ALOX12: variants seen among roughly 807,000 people sequenced by gnomAD.
The protein encoded by ALOX12 is polyunsaturated fatty acid lipoxygenase ALOX12.
A neutral mutation model predicts 85.5 loss-of-function variants in ALOX12; 62 were observed. The observed-to-expected ratio is 0.73, with a 90% confidence interval of 0.59 to 0.90. The LOEUF is 0.90. Among genes scored for constraint, ALOX12 ranks in the 40% least tolerant of loss-of-function variants. ALOX12 has a pLI of 0.00. For missense variants in ALOX12, 751 were observed against 856.5 expected (o/e 0.88, Z 1.54); for synonymous variants, 299 against 332.7 (o/e 0.90, Z 1.10).
At chr17:7,005,420 A>G in intron 9 of ALOX12, 77 bp downstream of exon 9, 1 of 1,124,654 alleles carries the variant, frequency 8.9e-7, no homozygotes, top group Non-Finnish European at 1.3e-6. Flanking sequence ...AAGATCAACT[A>G]TGTGTGAATG....
intron 4 of ALOX12, 35 bp downstream of exon 4, chr17:6,998,872 G>A (rs764950683): frequency 6.2e-7 from 1 of 1,613,992 alleles, no homozygotes; most frequent in Non-Finnish European, 8.5e-7. Flanking sequence ...GTGAAATAAG[G>A]GCTGGGAGGG....
chr17:6,999,260 T>C (rs1162848753), intron 5 of ALOX12, 46 bp from the exon 6 acceptor site: 2 of 1,612,082 alleles, frequency 1.2e-6, no homozygotes, highest in Non-Finnish European at 8.5e-7. Flanking sequence ...GGAGAAGGGA[T>C]ATGCAGGCTG....
chr17:7,006,676 C>T (rs1909101187), intron 11 of ALOX12, 69 bp downstream of exon 11: 3 of 1,507,998 alleles, frequency 2.0e-6, no homozygotes, highest in African/African-American at 2.8e-5. Flanking sequence ...CAGCCCTGCC[C>T]TTCTGGGGAC....
chr17:7,010,373 C>T lies in ALOX12; in HGVS notation c.1942C>T (p.Pro648Ser). The change falls in exon 14 of 14, where the codon CCC becomes TCC. Residue 648 changes from proline to serine, a missense_variant. By Grantham distance (74) the Pro-to-Ser change is moderately conservative. Coordinates refer to ENST00000251535, the MANE Select transcript of ALOX12 (RefSeq NM_000697.3). ...AGCCCGGAATGAGCAACTTGACTGGCCCTATGAATATCTGAAGCCCAGCTG... is the reference window on the plus strand; with the variant it reads ...AGCCCGGAATGAGCAACTTGACTGGTCCTATGAATATCTGAAGCCCAGCTG... ...ITARNEQLDW[P>S]YEYLKPSCIE... 3 of 1,614,218 alleles carry T rather than the reference C, an allele frequency of 1.9e-6. No homozygotes were observed. The highest frequency in any genetic ancestry group is 2.5e-6 in the Non-Finnish European group (3 of 1,180,040).
chr17:7,004,163 T>C (rs1430362845), intron 8 of ALOX12, among the ~76,000 whole-genome samples: 1 of 145,224 alleles, frequency 6.9e-6, no homozygotes, highest in African/African-American at 2.5e-5. Flanking sequence ...AATTTAAATT[T>C]AAAATTTAAA....
Position 7,001,736 on chromosome 17 carries a change from G to C in ALOX12, c.1086G>C (p.Leu362=), listed in dbSNP as rs1490459891. ...FQLHEIQYHL[L]NTHLVAEVIA... is the part of the protein sequence containing the mutation. ...TGCACGAGATCCAGTATCACTTGCT[G>C]AACACTCACCTGGTGGCTGAGGTCA... Residue 362 remains leucine (L), a synonymous_variant, in exon 8 of 14, where the codon CTG becomes CTC. Transcript: ENST00000251535. 1 of 1,614,060 alleles carries C rather than the reference G, an allele frequency of 6.2e-7. No individual in the cohort carries two copies. The highest frequency in any genetic ancestry group is 1.7e-5 in the Admixed American group (1 of 60,000).
intron 11 of ALOX12, among the ~76,000 whole-genome samples, chr17:7,007,099 G>A (rs986703757): frequency 3.9e-5 from 6 of 152,146 alleles, no homozygotes; most frequent in African/African-American, 1.4e-4. Context: ...TACAGTGCAA[G>A]GTCAGCTCTT....
intron 11 of ALOX12, among the ~76,000 whole-genome samples, chr17:7,007,771 C>T (rs549599739): frequency 3.3e-5 from 5 of 152,222 alleles, no homozygotes; most frequent in Admixed American, 3.3e-4. Flanking sequence ...ATCCCAGCTA[C>T]TCGGGAGGCT....
chr17:6,996,678 A>G, intron 1 of ALOX12, 148 bp from the exon 2 acceptor site: 1 of 1,023,954 alleles, frequency 9.8e-7, no homozygotes, highest in Non-Finnish European at 1.4e-6. Flanking sequence ...CTGAGACCCA[A>G]AGAGCAGGTT....
rs768927580 is a variant in ALOX12 at position 7,006,620 on chromosome 17, C to T, written c.1540+13C>T. Reference sequence around the variant, plus strand: ...GCCCAGGACCGAGGTAAGATCCATTCTAGAGACAGAAGAAGCTCCTGGGAG... The same window carrying T: ...GCCCAGGACCGAGGTAAGATCCATTTTAGAGACAGAAGAAGCTCCTGGGAG... On this transcript the variant is annotated intron_variant, in intron 11 of 13. Coordinates refer to ENST00000251535, the MANE Select transcript of ALOX12 (RefSeq NM_000697.3). 1 of 1,568,564 alleles carries T rather than the reference C, an allele frequency of 6.4e-7. No homozygotes were observed. The highest frequency in any genetic ancestry group is 8.7e-7 in the Non-Finnish European group (1 of 1,155,670).
chr17:7,009,130 G>A (rs1006980613), intron 11 of ALOX12, among the ~76,000 whole-genome samples: 3 of 148,994 alleles, frequency 2.0e-5, no homozygotes, highest in Non-Finnish European at 4.4e-5. Context: ...CGGGATCTCA[G>A]CTCGCTGCAA....
rs771002512 is a variant in ALOX12, at chr17:7,009,973, G to A, written c.1659G>A (p.Trp553Ter). ...TCCTCCAGCTGGACTGGTATGCCTG[G>A]GTCCCTAATGCTCCATGCACAATGC... Reference protein sequence around the residue: ...INQGQLDWYAWVPNAPCTMRM... With the variant: ...INQGQLDWYA Residue 553 changes from tryptophan (W) to a stop codon, truncating the protein, a stop_gained, in exon 13 of 14, where the codon TGG becomes TGA. Coordinates refer to ENST00000251535, the MANE Select transcript of ALOX12 (RefSeq NM_000697.3). LOFTEE classifies it high-confidence loss of function. 1.9e-6 allele frequency: 3 copies of A among 1,613,962 alleles called. No individual in the cohort carries two copies. Among genetic ancestry groups the A allele is most frequent in the Non-Finnish European group, 2.5e-6 (3 of 1,179,912 alleles).
chr17:7,003,922 C>T lies in ALOX12; in HGVS notation c.1162-1335C>T, dbSNP rs1164406058. 1.3e-5 allele frequency among the ~76,000 whole-genome samples: 2 copies of T among 151,970 alleles called. 1 individual carries two copies. The highest frequency in any genetic ancestry group is 2.9e-5 in the Non-Finnish European group (2 of 68,006). On this transcript the variant is annotated intron_variant, in intron 8 of 13. Coordinates refer to ENST00000251535, the MANE Select transcript of ALOX12 (RefSeq NM_000697.3). ...TTGCCAGTGTCCAGCATCAACAATT[C>T]AGACAAGCACCAAAACTGCTTGAAA...
In ALOX12 at chr17:7,008,656, G is replaced by C. The variant is rs537220709; in HGVS notation, c.1541-1091G>C. ...AGCTACTTGGGAGGCTGAGGCAGGA[G>C]AATCACTTGAACCTGAGAGGCGGAG... On this transcript the variant is annotated intron_variant, in intron 11 of 13. Transcript: ENST00000251535. Among the ~76,000 whole-genome samples, 41 of 151,848 alleles carry C rather than the reference G, an allele frequency of 2.7e-4. No individual in the cohort carries two copies. The South Asian group carries it at 8.1e-3, about 30-fold the overall frequency.
At position 7,000,802 on chromosome 17, in the gene ALOX12, G is replaced by C. The variant is rs1250511529; in HGVS notation, c.951+323G>C. Among the ~76,000 whole-genome samples the C allele has an allele frequency of 6.6e-6, 1 of 152,046 alleles. No individual in the cohort carries two copies. Among genetic ancestry groups the C allele is most frequent in the Non-Finnish European group, 1.5e-5 (1 of 68,022 alleles). On this transcript the variant is annotated intron_variant, in intron 7 of 13. Transcript: ENST00000251535. This position sits in a 1 kb window ranked among gnomAD's most constrained non-coding sequence, Gnocchi z 4.6. ...AGACTTTCTGATTCAGTATGTCTGG[G>C]GTGGGAACTAAGAGTTTGCGTTTTT...
Position 7,001,637 on chromosome 17 carries a change from AC to A in ALOX12, c.988del (p.Leu330CysfsTer33), listed in dbSNP as rs1196973450. On this transcript the variant is annotated frameshift_variant, in exon 8 of 14. Transcript: ENST00000251535. LOFTEE classifies it high-confidence loss of function. ...CCAACCCCAGCTCTCCAACCCCAAC[AC>A]TGTTCCTGCCCTCAGACCCCCCACT... ...PPNPSSPTPTLFLPSDPPLAW... is the reference protein window; with the variant it reads ...PPNPSSPTPTXFLPSDPPLAW... 1 of 1,613,872 alleles carries A rather than the reference AC, an allele frequency of 6.2e-7. No individual in the cohort carries two copies. Among genetic ancestry groups the A allele is most frequent in the Non-Finnish European group, 8.5e-7 (1 of 1,179,952 alleles).
chr17:7,010,709 T>C lies in ALOX12; in HGVS notation c.*286T>C, dbSNP rs1444012456. 4.1e-5 allele frequency: 13 copies of C among 319,620 alleles called. No individual in the cohort carries two copies. The allele number at this position is 319,620 out of a possible 1,614,324, so 19.8% of individuals were successfully genotyped here. A position where few individuals can be genotyped will look rare whatever the true frequency, so the allele number is the denominator to read the frequency against. ...GACAACATGGAAATGAGTGTGACTATGTTCCAATAAAACTTTATGGACACT... is the reference window on the plus strand; with the variant it reads ...GACAACATGGAAATGAGTGTGACTACGTTCCAATAAAACTTTATGGACACT... On this transcript the variant is annotated 3_prime_UTR_variant, in exon 14 of 14. Coordinates refer to ENST00000251535, the MANE Select transcript of ALOX12 (RefSeq NM_000697.3).
intron 10 of ALOX12, 144 bp from the exon 11 acceptor site, chr17:7,006,342 T>C: frequency 8.4e-7 from 1 of 1,189,476 alleles, no homozygotes; most frequent in Non-Finnish European, 1.2e-6. Flanking sequence ...CATGAGATGC[T>C]AGTGTGTTTA....
chr17:6,996,857 A>G lies in ALOX12; in HGVS notation c.167A>G (p.Asp56Gly). Reference protein sequence around the residue: ...EEEFDHDVAEDLGLLQFVRLR... With the variant: ...EEEFDHDVAEGLGLLQFVRLR... ...GAGTTTGATCATGACGTTGCAGAGGACTTGGGGCTCCTGCAGTTCGTGAGG... is the reference window on the plus strand; with the variant it reads ...GAGTTTGATCATGACGTTGCAGAGGGCTTGGGGCTCCTGCAGTTCGTGAGG... Residue 56 changes from aspartate (D) to glycine (G), a missense_variant, in exon 2 of 14, where the codon GAC becomes GGC. Transcript: ENST00000251535. 6.2e-7 allele frequency: 1 copy of G among 1,613,860 alleles called. No individual in the cohort carries two copies. The highest frequency in any genetic ancestry group is 1.1e-5 in the South Asian group (1 of 91,066).
Sources: allele counts gnomAD v4.1 joint callset (sites outside exome capture counted in the v4.1 genomes callset), GRCh38; gene constraint gnomAD v4.1.1; non-coding constraint Gnocchi (gnomAD v3.1); transcripts MANE v1.5; gene names NCBI Gene and HGNC (gene_info 2026-07-23, HGNC 2026-07-21).